Variants in TMTC2 observed in about 807,000 individuals in gnomAD.
TMTC2 encodes transmembrane O-mannosyltransferase targeting cadherins 2.
In TMTC2, 43 loss-of-function variants were observed where a neutral mutation model predicts 82.4. That is an observed-to-expected ratio of 0.52 (90% confidence interval 0.41 to 0.67). TMTC2 has a LOEUF of 0.67. TMTC2 is among the 30% of genes least tolerant of loss of function. The pLI, the probability that TMTC2 is intolerant of heterozygous loss-of-function variation, is 0.00. For synonymous variants in TMTC2, 408 were observed against 381.9 expected (o/e 1.07, Z -0.80); for missense variants, 919 against 1,012.4 (o/e 0.91, Z 1.25).
chr12:82,838,143 T>C (rs919011585), intron 1 of TMTC2, among the ~76,000 whole-genome samples: 1 of 152,322 alleles, frequency 6.6e-6, no homozygotes, highest in Admixed American at 6.5e-5. Flanking sequence ...TTAGCCATTT[T>C]TGGGGTCCAG....
At position 82,798,368 on chromosome 12, in the gene TMTC2, G is replaced by C. The variant is rs1246060697; in HGVS notation, c.84-58642G>C. ...CGGTGGATGGCGGGCGTGGTGGCGG[G>C]CGCCTGTAGTCCCAGCTACTAGGGA... On this transcript the variant is annotated intron_variant, in intron 1 of 11. Coordinates refer to ENST00000321196, the MANE Select transcript of TMTC2 (RefSeq NM_152588.3). 3.3e-5 allele frequency among the ~76,000 whole-genome samples: 5 copies of C among 149,304 alleles called. No homozygotes were observed. In the East Asian group the frequency reaches 8.1e-4, roughly 24 times the overall value.
chr12:83,003,063 A>T (rs994615152), intron 8 of TMTC2, among the ~76,000 whole-genome samples: 3 of 152,106 alleles, frequency 2.0e-5, no homozygotes. Flanking sequence ...TCTTTTCATC[A>T]CTGCAGAAGA....
intron 1 of TMTC2, among the ~76,000 whole-genome samples, chr12:82,856,692 C>T (rs536536557): frequency 1.1e-4 from 16 of 152,290 alleles, no homozygotes; most frequent in Admixed American, 8.5e-4. Flanking sequence ...CATTTTTAGC[C>T]AGTATGTCAC....
intron 1 of TMTC2, among the ~76,000 whole-genome samples, chr12:82,782,154 T>G (rs1022130212): frequency 5.3e-5 from 8 of 152,100 alleles, no homozygotes; most frequent in Non-Finnish European, 1.0e-4. Flanking sequence ...GGATGCTTCT[T>G]AGGAAAACTT....
intron 8 of TMTC2, among the ~76,000 whole-genome samples, chr12:82,996,709 A>G (rs750625995): frequency 6.6e-6 from 1 of 152,242 alleles, no homozygotes; most frequent in Non-Finnish European, 1.5e-5. Context: ...ATGATGTCAT[A>G]TAATGGAGAA....
chr12:83,065,540 T>C (rs769061411), intron 11 of TMTC2, among the ~76,000 whole-genome samples: 1 of 151,946 alleles, frequency 6.6e-6, no homozygotes, highest in Non-Finnish European at 1.5e-5. Context: ...TTGGGGCTGA[T>C]TGTCCTAAAA....
intron 2 of TMTC2, among the ~76,000 whole-genome samples, chr12:82,893,879 G>C (rs1873524866): frequency 6.6e-6 from 1 of 152,096 alleles, no homozygotes; most frequent in African/African-American, 2.4e-5. Context: ...AGAAGGACAG[G>C]GTCACCAGTT....
intron 11 of TMTC2, among the ~76,000 whole-genome samples, chr12:83,074,281 C>T (rs1031353609): frequency 2.6e-5 from 4 of 152,120 alleles, no homozygotes; most frequent in Non-Finnish European, 4.4e-5. Flanking sequence ...TACCAGGCTC[C>T]GTGCTGGTAC....
At chr12:82,731,106 T>G (rs1192963824) in intron 1 of TMTC2, among the ~76,000 whole-genome samples, 1 of 152,228 alleles carries the variant, frequency 6.6e-6, no homozygotes, top group African/African-American at 2.4e-5. Context: ...TATCGGTGTT[T>G]ATACATTCAA....
intron 11 of TMTC2, among the ~76,000 whole-genome samples, chr12:83,126,441 T>C (rs1356666838): frequency 6.6e-6 from 1 of 152,152 alleles, no homozygotes; most frequent in Non-Finnish European, 1.5e-5. Context: ...AACCTGCATA[T>C]GGCTTTAGTC....
chr12:82,955,348 G>T (rs1328772526), intron 4 of TMTC2, among the ~76,000 whole-genome samples: 1 of 152,174 alleles, frequency 6.6e-6, no homozygotes, highest in Non-Finnish European at 1.5e-5. Flanking sequence ...GGATCACCTA[G>T]GGACCCATAT....
At chr12:82,733,751 T>C (rs1874951655) in intron 1 of TMTC2, among the ~76,000 whole-genome samples, 1 of 152,190 alleles carries the variant, frequency 6.6e-6, no homozygotes, top group Non-Finnish European at 1.5e-5. Flanking sequence ...CTAATATCTT[T>C]GTGGAGGATA....
At chr12:82,933,159 C>A (rs1057219639) in intron 4 of TMTC2, among the ~76,000 whole-genome samples, 74 of 152,202 alleles carry the variant, frequency 4.9e-4, no homozygotes, top group African/African-American at 1.6e-3. Flanking sequence ...ATCTGTCACC[C>A]TAAACGGAGA....
At position 82,782,125 on chromosome 12, in the gene TMTC2, A is replaced by G. The variant is rs559392482; in HGVS notation, c.84-74885A>G. 3.0e-4 allele frequency among the ~76,000 whole-genome samples: 45 copies of G among 152,222 alleles called. No individual in the cohort carries two copies. The South Asian group carries it at 8.7e-3, about 29-fold the overall frequency. On this transcript the variant is annotated intron_variant, in intron 1 of 11. Coordinates refer to ENST00000321196, the MANE Select transcript of TMTC2 (RefSeq NM_152588.3). Reference sequence around the variant, plus strand: ...ATGAAGGATTGAATATTTGACTCTGATGCTTCCTAATGATGGCTGGATGCT... The same window carrying G: ...ATGAAGGATTGAATATTTGACTCTGGTGCTTCCTAATGATGGCTGGATGCT...
chr12:82,859,556 T>C (rs1023748022), intron 2 of TMTC2, among the ~76,000 whole-genome samples: 1 of 152,218 alleles, frequency 6.6e-6, no homozygotes, highest in African/African-American at 2.4e-5. Context: ...ATACAATATT[T>C]GGGACATACT....
intron 3 of TMTC2, among the ~76,000 whole-genome samples, chr12:82,908,903 T>C (rs190363250): frequency 2.6e-5 from 4 of 152,320 alleles, no homozygotes; most frequent in Admixed American, 2.0e-4. Flanking sequence ...TTTTGTTCAA[T>C]TGGTACAATG....
At chr12:82,689,028 A>C (rs1045660713) in intron 1 of TMTC2, among the ~76,000 whole-genome samples, 1 of 152,204 alleles carries the variant, frequency 6.6e-6, no homozygotes, top group Non-Finnish European at 1.5e-5. Context: ...CCACTGTTAG[A>C]CATACATTTT....
intron 1 of TMTC2, among the ~76,000 whole-genome samples, chr12:82,837,338 T>C (rs574393663): frequency 1.3e-5 from 2 of 152,276 alleles, no homozygotes; most frequent in East Asian, 3.9e-4. Context: ...CTGGGCATGG[T>C]GACGCACATC....
chr12:83,020,660 A>G (rs565263563), intron 8 of TMTC2, among the ~76,000 whole-genome samples: 2 of 96,220 alleles, frequency 2.1e-5, no homozygotes, highest in Admixed American at 2.2e-4. Flanking sequence ...GCTTAGTGTC[A>G]GGATACCAAT....
Sources: gnomAD v4.1 joint callset for allele counts (sites outside exome capture counted in the v4.1 genomes callset) on GRCh38, gnomAD v4.1.1 for gene constraint, MANE v1.5 for transcripts, NCBI Gene and HGNC (gene_info 2026-07-23, HGNC 2026-07-21) for gene names.